Variants in PRKG1 observed in about 807,000 individuals in gnomAD.
The protein encoded by PRKG1 is protein kinase cGMP-dependent 1, also known as cGMP-dependent protein kinase 1.
Under a neutral mutation model 88.1 loss-of-function variants are expected in PRKG1, and 35 were observed. The observed-to-expected ratio is 0.40, with a 90% confidence interval of 0.30 to 0.53. The LOEUF is 0.53. Ranked by LOEUF, PRKG1 falls within the 20% of genes least tolerant of loss-of-function variation. The pLI is 0.59. For synonymous variants in PRKG1, 303 were observed against 292.5 expected (o/e 1.04, Z -0.37); for missense variants, 540 against 839.8 (o/e 0.64, Z 4.41).
chr10:51,802,307 G>T (rs1418559260), intron 3 of PRKG1, among the ~76,000 whole-genome samples: 1 of 152,128 alleles, frequency 6.6e-6, no homozygotes, highest in Non-Finnish European at 1.5e-5. Flanking sequence ...GGACAAATTT[G>T]CAATCTCATC....
intron 5 of PRKG1, among the ~76,000 whole-genome samples, chr10:52,001,757 A>T (rs1171440262): frequency 1.3e-5 from 2 of 152,078 alleles, no homozygotes; most frequent in African/African-American, 2.4e-5. Context: ...CAGAATTGTC[A>T]TCTCAACCAC....
intron 4 of PRKG1, among the ~76,000 whole-genome samples, chr10:51,892,347 C>A (rs1195217559): frequency 1.3e-5 from 2 of 151,836 alleles, no homozygotes; most frequent in African/African-American, 2.4e-5. Context: ...TGTGGAATAC[C>A]CATTAATGTA....
At chr10:51,644,004 GGTT>G (rs146017436) in intron 3 of PRKG1, among the ~76,000 whole-genome samples, 7,467 of 152,070 alleles carry the variant, frequency 0.049, 299 homozygotes, top group South Asian at 0.12. Flanking sequence ...TTCATTGTGA[GGTT>G]GTTGTGAGGA....
chr10:52,163,871 A>G (rs1463350976), intron 9 of PRKG1, among the ~76,000 whole-genome samples: 2 of 152,214 alleles, frequency 1.3e-5, no homozygotes, highest in Non-Finnish European at 2.9e-5. Context: ...AAATCAGTCA[A>G]TATGAAAAAC....
chr10:51,611,665 T>G (rs1185930332), intron 3 of PRKG1, among the ~76,000 whole-genome samples: 2 of 151,522 alleles, frequency 1.3e-5, no homozygotes. Context: ...TTTTTTTTTT[T>G]GCAGCCTGTG....
intron 3 of PRKG1, among the ~76,000 whole-genome samples, chr10:51,768,688 G>A (rs980455271): frequency 2.8e-4 from 43 of 152,228 alleles, no homozygotes; most frequent in African/African-American, 9.1e-4. Context: ...AAGGTATAAT[G>A]TATTTAAAAG....
At chr10:51,594,492 T>C (rs564716794) in intron 3 of PRKG1, among the ~76,000 whole-genome samples, 2 of 152,368 alleles carry the variant, frequency 1.3e-5, no homozygotes, top group East Asian at 3.9e-4. Flanking sequence ...TACCACTGCA[T>C]AGTTTAGTGC....
At chr10:51,036,166 T>G (rs1843351835) in intron 1 of PRKG1, among the ~76,000 whole-genome samples, 1 of 152,188 alleles carries the variant, frequency 6.6e-6, no homozygotes, top group Non-Finnish European at 1.5e-5. Context: ...CTACAGAGCC[T>G]ACCTATGTCA....
intron 5 of PRKG1, among the ~76,000 whole-genome samples, chr10:52,003,635 C>A (rs886427085): frequency 6.6e-6 from 1 of 152,154 alleles, no homozygotes; most frequent in Admixed American, 6.5e-5. Flanking sequence ...AACCCAGATA[C>A]GAACCAGACG....
chr10:51,449,861 G>A (rs538408244), intron 2 of PRKG1, among the ~76,000 whole-genome samples: 1 of 151,464 alleles, frequency 6.6e-6, no homozygotes, highest in East Asian at 1.9e-4. Context: ...CTGAAGTCTG[G>A]GCATAGTTAG....
At chr10:51,278,446 T>A (rs1411072258) in intron 2 of PRKG1, among the ~76,000 whole-genome samples, 1 of 152,198 alleles carries the variant, frequency 6.6e-6, no homozygotes, top group Non-Finnish European at 1.5e-5. Context: ...TAGGCTTTGG[T>A]ATTAGGATGA....
intron 5 of PRKG1, among the ~76,000 whole-genome samples, chr10:51,958,667 G>A (rs538144389): frequency 6.7e-6 from 1 of 148,784 alleles, no homozygotes; most frequent in Non-Finnish European, 1.5e-5. Context: ...AAATTACTAA[G>A]GCAATTATAT....
At chr10:51,234,727 T>C (rs922596187) in intron 2 of PRKG1, among the ~76,000 whole-genome samples, 2 of 152,160 alleles carry the variant, frequency 1.3e-5, no homozygotes, top group African/African-American at 4.8e-5. Context: ...TTTTTTTGTA[T>C]TTTTTTCCTC....
At chr10:51,532,202 A>G (rs999021553) in intron 3 of PRKG1, among the ~76,000 whole-genome samples, 3 of 152,172 alleles carry the variant, frequency 2.0e-5, no homozygotes, top group Non-Finnish European at 4.4e-5. Flanking sequence ...ACCTTAGTTC[A>G]TACGCTATCT....
Position 51,074,742 on chromosome 10 carries a change from C to A in PRKG1, c.152C>A (p.Ser51Ter). 6.2e-7 allele frequency: 1 copy of A among 1,614,020 alleles called. No individual in the cohort carries two copies. Among genetic ancestry groups the A allele is most frequent in the Non-Finnish European group, 8.5e-7 (1 of 1,179,944 alleles). ...CAGAACGAGCTGGACAAGTACCGCT[C>A]GGTGATCCGACCAGCCACCCAGCAG... ...KLQNELDKYRSVIRPATQQAQ... is the reference protein window; with the variant it reads ...KLQNELDKYR Residue 51 changes from serine (S) to a stop codon, truncating the protein, a stop_gained, in exon 1 of 18, where the codon TCG (serine) becomes TAG (stop). Transcript: ENST00000373980. LOFTEE classifies it high-confidence loss of function.
At chr10:51,118,770 T>G (rs1845195913) in intron 1 of PRKG1, among the ~76,000 whole-genome samples, 2 of 152,136 alleles carry the variant, frequency 1.3e-5, no homozygotes, top group African/African-American at 4.8e-5. Flanking sequence ...AATATTCTAT[T>G]TAATTTACAG....
Position 51,407,738 on chromosome 10 carries a change from T to G in PRKG1, c.479-59985T>G, listed in dbSNP as rs144683511. Among the ~76,000 whole-genome samples, 901 of 152,296 alleles carry G rather than the reference T, an allele frequency of 5.9e-3. 10 individuals carry two copies. Among genetic ancestry groups the G allele is most frequent in the African/African-American group, 0.02 (839 of 41,562 alleles). On this transcript the variant is annotated intron_variant, in intron 2 of 17. Transcript: ENST00000373980. ...TCCTGCCTGGATTGAACTGTTGTAGTTTCCCATTGACCTTAATCACAGGGC... is the reference window on the plus strand; with the variant it reads ...TCCTGCCTGGATTGAACTGTTGTAGGTTCCCATTGACCTTAATCACAGGGC...
chr10:52,138,219 A>T (rs1356477956), intron 8 of PRKG1, among the ~76,000 whole-genome samples: 1 of 151,990 alleles, frequency 6.6e-6, no homozygotes, highest in Non-Finnish European at 1.5e-5. Flanking sequence ...AGGACATTCT[A>T]GATCCTTCTT....
At chr10:51,358,078 T>C (rs1842404174) in intron 2 of PRKG1, among the ~76,000 whole-genome samples, 1 of 151,916 alleles carries the variant, frequency 6.6e-6, no homozygotes. Context: ...CATGGTTTCT[T>C]TAGGTCGGGA....
Sources: gnomAD v4.1 joint callset for allele counts (sites outside exome capture counted in the v4.1 genomes callset) on GRCh38, gnomAD v4.1.1 for gene constraint, MANE v1.5 for transcripts, NCBI Gene and HGNC (gene_info 2026-07-23, HGNC 2026-07-21) for gene names.